Variants in RPRD1B observed in about 807,000 individuals in gnomAD.
RPRD1B encodes regulation of nuclear pre-mRNA domain-containing protein 1B.
RPRD1B carries 11 observed loss-of-function variants against 41.5 expected under a neutral mutation model. That is an observed-to-expected ratio of 0.27 (90% CI 0.17 to 0.44). The LOEUF (loss-of-function observed/expected upper bound fraction) is 0.44. Ranked by LOEUF, RPRD1B falls within the 20% of genes least tolerant of loss-of-function variation. The pLI is 1.00. For synonymous variants in RPRD1B, 158 were observed against 155.6 expected, an observed-to-expected ratio of 1.02 and a Z score of -0.12; for missense variants, 248 against 389.9, an observed-to-expected ratio of 0.64 and a Z score of 3.06.
chr20:38,044,326 C>T (rs1285227382), intron 2 of RPRD1B, among the ~76,000 whole-genome samples: 3 of 151,754 alleles, frequency 2.0e-5, no homozygotes, highest in African/African-American at 4.8e-5. Context: ...GTCATGTAGA[C>T]ACCCTCTGCC....
At chr20:38,034,505 GC>G (rs1468246595) in intron 1 of RPRD1B, among the ~76,000 whole-genome samples, 5 of 152,294 alleles carry the variant, frequency 3.3e-5, no homozygotes, top group Non-Finnish European at 7.4e-5. Flanking sequence ...TCAGCTATTT[GC>G]CAGCTGAATA....
chr20:38,090,720 GA>G lies in RPRD1B; in HGVS notation c.*847del. The G allele has an allele frequency of 1.0e-6, 1 of 985,532 alleles. No individual in the cohort carries two copies. Among genetic ancestry groups the G allele is most frequent in the Non-Finnish European group, 1.2e-6 (1 of 829,992 alleles). 61.0% of individuals were successfully genotyped at this position (985,532 alleles called of 1,614,324 possible). A position where few individuals can be genotyped will look rare whatever the true frequency, so the allele number is the denominator to read the frequency against. On this transcript the variant is annotated 3_prime_UTR_variant, in exon 7 of 7. Coordinates refer to ENST00000373433, the MANE Select transcript of RPRD1B (RefSeq NM_021215.4). ...CAGGCATTGGTGGGCTCCAAAAGAT[GA>G]AGGCCCCACACACAGGTGTGCTGCA... is the stretch of plus-strand genomic sequence containing the variant.
intron 3 of RPRD1B, among the ~76,000 whole-genome samples, chr20:38,055,861 C>T (rs150458486): frequency 1.3e-5 from 2 of 151,944 alleles, no homozygotes; most frequent in Non-Finnish European, 2.9e-5. Context: ...GTGATTGGTC[C>T]CTGATCATGA....
chr20:38,052,622 A>G (rs1310925489), intron 3 of RPRD1B, among the ~76,000 whole-genome samples: 1 of 152,154 alleles, frequency 6.6e-6, no homozygotes. Flanking sequence ...TATAAAGTCT[A>G]TAGGTGTGGT....
chr20:38,088,104 T>C (rs1235653111), intron 6 of RPRD1B, among the ~76,000 whole-genome samples: 2 of 152,234 alleles, frequency 1.3e-5, no homozygotes, highest in African/African-American at 4.8e-5. Flanking sequence ...TCTCTTCCTT[T>C]GTAGACTGTG....
At chr20:38,071,726 C>T (rs544002013) in intron 6 of RPRD1B, among the ~76,000 whole-genome samples, 2 of 152,284 alleles carry the variant, frequency 1.3e-5, no homozygotes, top group Admixed American at 1.3e-4. Context: ...TTTTCGACAA[C>T]CTACATGTGC....
chr20:38,072,124 C>T (rs909933035), intron 6 of RPRD1B, among the ~76,000 whole-genome samples: 24 of 152,140 alleles, frequency 1.6e-4, no homozygotes, highest in African/African-American at 5.1e-4. Context: ...TCTGTGTTTT[C>T]TTCTAGAAGT....
intron 1 of RPRD1B, among the ~76,000 whole-genome samples, chr20:38,034,653 C>A (rs1568638977): frequency 6.6e-6 from 1 of 152,230 alleles, no homozygotes; most frequent in Non-Finnish European, 1.5e-5. Context: ...TCCTCGCACT[C>A]AGTCCTTAGA....
chr20:38,053,413 C>T (rs556489755), intron 3 of RPRD1B, among the ~76,000 whole-genome samples: 1 of 152,250 alleles, frequency 6.6e-6, no homozygotes, highest in South Asian at 2.1e-4. Flanking sequence ...TCCCTTCAAG[C>T]GGTTTCAAAC....
At chr20:38,052,752 GTTTTTTTTTTTTTTTTTT>G (rs146687415) in intron 3 of RPRD1B, among the ~76,000 whole-genome samples, 7 of 81,702 alleles carry the variant, frequency 8.6e-5, no homozygotes, top group Non-Finnish European at 1.4e-4. Context: ...CAAACGCGGT[GTTTTTTTTTTTTTTTTTT>G]TTTTTTTTTT....
rs2074607224 is a variant in RPRD1B at position 38,090,958 on chromosome 20, T to C, written c.*1083T>C. 1.3e-5 allele frequency: 12 copies of C among 931,328 alleles called. No homozygotes were observed. The South Asian group carries it at 1.4e-4, about 11-fold the overall frequency. 57.7% of individuals were successfully genotyped at this position (931,328 alleles called of 1,614,324 possible). A position where few individuals can be genotyped will look rare whatever the true frequency, so the allele number is the denominator to read the frequency against. ...CGGGGAGTACTTGCGTCAGATGTTA[T>C]TGAATAGCTCGTCTCGGGCAGGGGA... On this transcript the variant is annotated 3_prime_UTR_variant, in exon 7 of 7. Coordinates refer to ENST00000373433, the MANE Select transcript of RPRD1B (RefSeq NM_021215.4).
At chr20:38,061,846 G>A (rs1266697969) in intron 5 of RPRD1B, among the ~76,000 whole-genome samples, 3 of 152,084 alleles carry the variant, frequency 2.0e-5, no homozygotes, top group Non-Finnish European at 4.4e-5. Flanking sequence ...GTAGTAGTTG[G>A]AATAATGCCT....
rs1215649065 is a variant in RPRD1B, at chr20:38,090,635, C to T, written c.*760C>T. The T allele has an allele frequency of 4.1e-6, 4 of 985,364 alleles. No homozygotes were observed. The highest frequency in any genetic ancestry group is 6.1e-5 in the Admixed American group (1 of 16,272). 61.0% of individuals were successfully genotyped at this position (985,364 alleles called of 1,614,324 possible). ...GCTGCACTTCTCCACTGTCGGAGCA[C>T]GTTCCGAAAAACAGAATGCCTTGAT... On this transcript the variant is annotated 3_prime_UTR_variant, in exon 7 of 7. Transcript: ENST00000373433.
intron 1 of RPRD1B, among the ~76,000 whole-genome samples, chr20:38,039,561 C>A (rs1267738467): frequency 6.6e-6 from 1 of 151,932 alleles, no homozygotes; most frequent in Admixed American, 6.6e-5. Context: ...TGTGCCACCA[C>A]GCCAGGCAAA....
chr20:38,070,767 T>G, intron 6 of RPRD1B: 1 of 864,432 alleles, frequency 1.2e-6, no homozygotes, highest in Non-Finnish European at 1.3e-6. Flanking sequence ...TGAGACAGAC[T>G]CTTGCTCTGT....
intron 2 of RPRD1B, among the ~76,000 whole-genome samples, chr20:38,046,887 A>G (rs2074126634): frequency 6.6e-6 from 1 of 152,164 alleles, no homozygotes; most frequent in Non-Finnish European, 1.5e-5. Context: ...AATGTTGGCA[A>G]TTTTGAACAA....
chr20:38,082,510 C>T (rs1429304387), intron 6 of RPRD1B, among the ~76,000 whole-genome samples: 1 of 152,146 alleles, frequency 6.6e-6, no homozygotes, highest in African/African-American at 2.4e-5. Context: ...CCTCAGCCTC[C>T]CGAGCAGCTG....
intron 3 of RPRD1B, among the ~76,000 whole-genome samples, chr20:38,054,733 AT>A (rs565630585): frequency 5.3e-5 from 8 of 152,212 alleles, no homozygotes; most frequent in Admixed American, 2.6e-4. Context: ...AAGTTTTGTA[AT>A]TTTTTTCTAC....
At chr20:38,036,568 G>C (rs1045394317) in intron 1 of RPRD1B, among the ~76,000 whole-genome samples, 1 of 152,180 alleles carries the variant, frequency 6.6e-6, no homozygotes, top group Admixed American at 6.5e-5. Context: ...ACAGGATATC[G>C]CGTGGTGCCT....
Sources: gnomAD v4.1 joint callset for allele counts (sites outside exome capture counted in the v4.1 genomes callset) on GRCh38, gnomAD v4.1.1 for gene constraint, MANE v1.5 for transcripts, NCBI Gene and HGNC (gene_info 2026-07-23, HGNC 2026-07-21) for gene names.